PPP1R12C: variants seen among roughly 807,000 people sequenced by gnomAD.
PPP1R12C encodes leukocyte receptor cluster (LRC) encoded novel gene 3.
PPP1R12C carries 48 observed loss-of-function variants against 95.6 expected under a neutral mutation model. The observed-to-expected ratio is 0.50, with a 90% CI of 0.40 to 0.64. The LOEUF (loss-of-function observed/expected upper bound fraction) is 0.64. Among genes scored for constraint, PPP1R12C ranks in the 30% least tolerant of loss-of-function variants. PPP1R12C has a pLI of 0.00. For synonymous variants in PPP1R12C, 480 were observed against 460.8 expected, an observed-to-expected ratio of 1.04 and a Z score of -0.53; for missense variants, 1,057 against 1,083.3, an observed-to-expected ratio of 0.98 and a Z score of 0.34.
In PPP1R12C at chr19:55,103,406, C is replaced by T; in HGVS notation, c.731+3G>A. 6.7e-7 allele frequency: 1 copy of T among 1,495,764 alleles called. No homozygotes were observed. Among genetic ancestry groups the T allele is most frequent in the Non-Finnish European group, 9.0e-7 (1 of 1,108,492 alleles). 92.7% of individuals were successfully genotyped at this position (1,495,764 alleles called of 1,614,324 possible). A position where few individuals can be genotyped will look rare whatever the true frequency, so the allele number is the denominator to read the frequency against. ...CAAGATGGAACAGACTGGCCCAACT[C>T]ACCTCATCACCTCAATGTAGCCCTT... On this transcript the variant is annotated splice_donor_region_variant and intron_variant, in intron 4 of 21. Transcript: ENST00000263433.
rs2084868581 is a variant in PPP1R12C, at chr19:55,093,225, A to T, written c.1692T>A (p.Thr564=). The part of the protein sequence containing the change: ...RQSRRSTQGV[T]LTDLKEAEKA... ...TCTCTGCCTCCTTCAGGTCTGTAAG[A>T]GTCACACCCTGGCAGGGAAAGGGGA... Residue 564 remains threonine, a synonymous_variant, in exon 14 of 22, where the codon ACT becomes ACA. Coordinates refer to ENST00000263433, the MANE Select transcript of PPP1R12C (RefSeq NM_017607.4). 1 of 1,612,906 alleles carries T rather than the reference A, an allele frequency of 6.2e-7. No individual in the cohort carries two copies. Among genetic ancestry groups the T allele is most frequent in the African/African-American group, 1.3e-5 (1 of 74,820 alleles).
intron 3 of PPP1R12C, among the ~76,000 whole-genome samples, chr19:55,108,138 G>GTTGGCCA (rs796883932): frequency 5.3e-5 from 8 of 152,028 alleles, no homozygotes; most frequent in African/African-American, 1.9e-4. Flanking sequence ...GTTTCACCAT[G>GTTGGCCA]TTGGCCAGGC....
intron 4 of PPP1R12C, among the ~76,000 whole-genome samples, chr19:55,100,576 T>G (rs1602987990): frequency 3.3e-5 from 5 of 152,250 alleles, no homozygotes; most frequent in Admixed American, 3.3e-4. Context: ...AATAAACATA[T>G]ACCTCTACTC....
rs201702704 is a variant in PPP1R12C, at chr19:55,091,941, C to G, written c.2161-32G>C. 3.1e-6 allele frequency: 5 copies of G among 1,611,700 alleles called. No homozygotes were observed. In the African/African-American group the frequency reaches 5.3e-5, roughly 17 times the overall value. ...AGGACACAGAAAGCACAGGGGTCAG[C>G]AGAAGAAGCCAGCACTGCTCTGAAG... On this transcript the variant is annotated intron_variant, in intron 19 of 21. Coordinates refer to ENST00000263433, the MANE Select transcript of PPP1R12C (RefSeq NM_017607.4).
At chr19:55,092,571 G>GGGGCC in intron 17 of PPP1R12C, 27 bp from the exon 18 acceptor site, 1 of 1,578,358 alleles carries the variant, frequency 6.3e-7, no homozygotes, top group South Asian at 1.1e-5. Flanking sequence ...GCGCGCGTCA[G>GGGGCC]GGGCCGGCCC....
chr19:55,098,783 C>T lies in PPP1R12C; in HGVS notation c.951+1G>A, dbSNP rs767825952. The stretch of plus-strand genomic sequence containing the variant: ...GTAAGCCCCTCAGCCCTGACACTCA[C>T]GTCCTCCTGTTTCCGGGCCAGTTCC... On this transcript the variant is annotated splice_donor_variant, in intron 6 of 21. Transcript: ENST00000263433. LOFTEE classifies it high-confidence loss of function. 3 of 1,613,468 alleles carry T rather than the reference C, an allele frequency of 1.9e-6. No homozygotes were observed. Among genetic ancestry groups the T allele is most frequent in the East Asian group, 2.2e-5 (1 of 44,868 alleles).
rs780427157 is a variant in PPP1R12C at position 55,093,200 on chromosome 19, T to C, written c.1717A>G (p.Lys573Glu). Residue 573 changes from lysine to glutamate, a missense_variant, in exon 14 of 22, where the codon AAG becomes GAG. Around this residue, in one of 5 missense-constraint regions of PPP1R12C, gnomAD observed 347 missense variants for 307.9 expected, o/e 1.13. Transcript: ENST00000263433. ...VTLTDLKEAEKAAGKAPESEK... is the reference protein window; with the variant it reads ...VTLTDLKEAEEAAGKAPESEK... ...GACTCTGGGGCCTTCCCTGCAGCCT[T>C]CTCTGCCTCCTTCAGGTCTGTAAGA... The C allele has an allele frequency of 1.8e-5, 29 of 1,613,452 alleles. No homozygotes were observed. The highest frequency in any genetic ancestry group is 2.3e-5 in the Non-Finnish European group (27 of 1,179,964).
intron 3 of PPP1R12C, among the ~76,000 whole-genome samples, chr19:55,106,570 T>G (rs1188848300): frequency 6.6e-6 from 1 of 152,226 alleles, no homozygotes; most frequent in Non-Finnish European, 1.5e-5. Flanking sequence ...CCAAGTGAGC[T>G]GGCTTCAAAT....
Position 55,091,454 on chromosome 19 carries a change from C to A in PPP1R12C, c.*18G>T, listed in dbSNP as rs372522834. 195 of 1,607,390 alleles carry A rather than the reference C, an allele frequency of 1.2e-4. No homozygotes were observed. Among genetic ancestry groups the A allele is most frequent in the Non-Finnish European group, 1.5e-4 (182 of 1,174,394 alleles). Reference sequence around the variant, plus strand: ...AGAAGCAGCTGTATAAATACGGGTGCGGGAAAGTCCCTCCGGGTCACTTGG... The same window carrying A: ...AGAAGCAGCTGTATAAATACGGGTGAGGGAAAGTCCCTCCGGGTCACTTGG... On this transcript the variant is annotated 3_prime_UTR_variant, in exon 22 of 22. Transcript: ENST00000263433.
At chr19:55,094,556 G>A (rs1020845691) in intron 12 of PPP1R12C, 105 bp downstream of exon 12, 6 of 1,551,584 alleles carry the variant, frequency 3.9e-6, no homozygotes, top group African/African-American at 2.7e-5. Flanking sequence ...CAGACCTGAG[G>A]CCAGCTCTCC....
chr19:55,091,347 T>A lies in PPP1R12C; in HGVS notation c.*125A>T, dbSNP rs2084836520. On this transcript the variant is annotated 3_prime_UTR_variant, in exon 22 of 22. Coordinates refer to ENST00000263433, the MANE Select transcript of PPP1R12C (RefSeq NM_017607.4). ...CTCTGCTCCCCTCCCAGTCCGGAGGTCCCAGGGGGGCTATGGCTTCTCTGA... is the reference window on the plus strand; with the variant it reads ...CTCTGCTCCCCTCCCAGTCCGGAGGACCCAGGGGGGCTATGGCTTCTCTGA... 9.7e-7 allele frequency: 1 copy of A among 1,033,934 alleles called. No individual in the cohort carries two copies. Among genetic ancestry groups the A allele is most frequent in the African/African-American group, 1.6e-5 (1 of 63,210 alleles). 64.0% of individuals were successfully genotyped at this position (1,033,934 alleles called of 1,614,324 possible).
chr19:55,099,941 G>A (rs746087180), intron 4 of PPP1R12C, among the ~76,000 whole-genome samples: 14 of 152,204 alleles, frequency 9.2e-5, no homozygotes, highest in Admixed American at 2.0e-4. Flanking sequence ...TGGACAGCCT[G>A]GGATATTCTA....
At chr19:55,104,199 T>TATATATATATATATACAC (rs34075382) in intron 3 of PPP1R12C, among the ~76,000 whole-genome samples, 44 of 120,022 alleles carry the variant, frequency 3.7e-4, no homozygotes, top group African/African-American at 1.6e-3. Flanking sequence ...TATATATATA[T>TATATATATATATATACAC]ACACACACAC....
Position 55,094,402 on chromosome 19 carries a change from C to T in PPP1R12C, c.1626G>A (p.Ser542=), listed in dbSNP as rs370266569. ...GGGAGCGAGCTTTTCTCTGGGATTC[C>T]GACTCCTCATCCCGCACAGGCATCT... ...SYQMPVRDEE[S]ESQRKARSRL... is the part of the protein sequence containing the mutation. The change falls in exon 13 of 22, where the codon TCG becomes TCA. Residue 542 remains serine (S), a synonymous_variant. Coordinates refer to ENST00000263433, the MANE Select transcript of PPP1R12C (RefSeq NM_017607.4). 5 of 1,613,902 alleles carry T rather than the reference C, an allele frequency of 3.1e-6. No homozygotes were observed. The highest frequency in any genetic ancestry group is 1.3e-5 in the African/African-American group (1 of 75,038).
chr19:55,104,219 A>AC lies in PPP1R12C; in HGVS notation c.572-652_572-651insG, dbSNP rs1289668840. On this transcript the variant is annotated intron_variant, in intron 3 of 21. Coordinates refer to ENST00000263433, the MANE Select transcript of PPP1R12C (RefSeq NM_017607.4). ...ATATATACACACACACACACATACA[A>AC]AAATATAAATATAAAAAATATTTAT... Among the ~76,000 whole-genome samples, 9 of 137,196 alleles carry AC rather than the reference A, an allele frequency of 6.6e-5. No individual in the cohort carries two copies. In the East Asian group the frequency reaches 8.5e-4, roughly 13 times the overall value. The allele number at this position is 137,196 out of a possible 152,430, so 90.0% of individuals were successfully genotyped here.
intron 3 of PPP1R12C, among the ~76,000 whole-genome samples, chr19:55,110,563 C>G (rs889295091): frequency 6.6e-6 from 1 of 152,146 alleles, no homozygotes; most frequent in East Asian, 1.9e-4. Flanking sequence ...GTGCATCAGG[C>G]GAAGATGTAC....
chr19:55,091,532 G>A lies in PPP1R12C; in HGVS notation c.2289C>T (p.Asn763=), dbSNP rs1234023684. Residue 763 remains asparagine (N), a synonymous_variant, in exon 22 of 22, where the codon AAC becomes AAT. Coordinates refer to ENST00000263433, the MANE Select transcript of PPP1R12C (RefSeq NM_017607.4). The part of the protein sequence containing the change: ...LKALSDLRAD[N]QRLKDENAAL... ...CTGCATTCTCATCCTTGAGGCGCTGGTTGTCAGCGCGGAGGTCAGACAGGG... is the reference window on the plus strand; with the variant it reads ...CTGCATTCTCATCCTTGAGGCGCTGATTGTCAGCGCGGAGGTCAGACAGGG... 1 of 1,613,938 alleles carries A rather than the reference G, an allele frequency of 6.2e-7. No individual in the cohort carries two copies.
rs548846993 is a variant in PPP1R12C, at chr19:55,091,499, G to C, written c.2322C>G (p.Ile774Met). Residue 774 changes from isoleucine (I) to methionine (M), a missense_variant, in exon 22 of 22, where the codon ATC becomes ATG. Ile to Met is a conservative substitution (Grantham distance 10, BLOSUM62 1). Transcript: ENST00000263433. Reference protein sequence around the residue: ...QRLKDENAALIRVISKLSK With the variant: ...QRLKDENAALMRVISKLSK ...ACTTGGAGAGTTTGCTGATGACGCGGATCAACGCTGCATTCTCATCCTTGA... is the reference window on the plus strand; with the variant it reads ...ACTTGGAGAGTTTGCTGATGACGCGCATCAACGCTGCATTCTCATCCTTGA... 6.2e-7 allele frequency: 1 copy of C among 1,614,052 alleles called. No individual in the cohort carries two copies. Among genetic ancestry groups the C allele is most frequent in the Admixed American group, 1.7e-5 (1 of 60,018 alleles).
chr19:55,109,910 C>T lies in PPP1R12C; in HGVS notation c.571+2557G>A, dbSNP rs922908566. ...GATTTGGGGCCGCAGAGTCCCACCC[C>T]GAGCAGCACGGCTGAGGGTCTTTCC... On this transcript the variant is annotated intron_variant, in intron 3 of 21. Transcript: ENST00000263433. The surrounding 1 kb of genome is among the most constrained non-coding windows in gnomAD (Gnocchi z 4.4). Among the ~76,000 whole-genome samples, 2 of 152,162 alleles carry T rather than the reference C, an allele frequency of 1.3e-5. No individual in the cohort carries two copies. Among genetic ancestry groups the T allele is most frequent in the African/African-American group, 2.4e-5 (1 of 41,432 alleles).
Sources: allele counts gnomAD v4.1 joint callset (sites outside exome capture counted in the v4.1 genomes callset), GRCh38; gene constraint gnomAD v4.1.1; regional missense constraint gnomAD v4.1.1; non-coding constraint Gnocchi (gnomAD v3.1); transcripts MANE v1.5; gene names NCBI Gene and HGNC (gene_info 2026-07-23, HGNC 2026-07-21).